CYGB: variants seen among roughly 807,000 people sequenced by gnomAD.
CYGB encodes histoglobin.
Under a neutral mutation model 20.7 loss-of-function variants are expected in CYGB, and 13 were observed. That is an observed-to-expected ratio of 0.63 (90% confidence interval 0.41 to 1.00). CYGB has a LOEUF of 1.00. Ranked by LOEUF, CYGB falls within the 50% of genes least tolerant of loss-of-function variation. CYGB has a pLI of 0.00. For missense variants in CYGB, 218 were observed against 257.2 expected (o/e 0.85, Z 1.04); for synonymous variants, 93 against 107.4 (o/e 0.87, Z 0.83).
At chr17:76,545,423 G>A (rs769949866) in intron 1 of CYGB, 2 of 455,408 alleles carry the variant, frequency 4.4e-6, no homozygotes, top group South Asian at 3.1e-5. Context: ...GCAAAGAGCC[G>A]CTGCTTGGGA....
In CYGB at chr17:76,531,317, C is replaced by A. The variant is rs1360753915; in HGVS notation, c.375+143G>T. 3 of 1,224,280 alleles carry A rather than the reference C, an allele frequency of 2.5e-6. No homozygotes were observed. The highest frequency in any genetic ancestry group is 2.4e-5 in the Admixed American group (1 of 41,798). The allele number at this position is 1,224,280 out of a possible 1,614,324, so 75.8% of individuals were successfully genotyped here. A position where few individuals can be genotyped will look rare whatever the true frequency, so the allele number is the denominator to read the frequency against. ...TTGCCCTGGACCCAGCCCCTCCATC[C>A]TGCTGCCGGGCACTGCCCCTCCCTC... On this transcript the variant is annotated intron_variant, in intron 2 of 3. Coordinates refer to ENST00000293230, the MANE Select transcript of CYGB (RefSeq NM_134268.5). This position sits in a 1 kb window ranked among gnomAD's most constrained non-coding sequence, Gnocchi z 7.4.
Position 76,531,509 on chromosome 17 carries a change from A to G in CYGB, c.326T>C (p.Val109Ala), listed in dbSNP as rs770196178. Residue 109 changes from valine (V) to alanine (A), a missense_variant, in exon 2 of 4, where the codon GTG (valine) becomes GCG (alanine). By Grantham distance (64) the Val-to-Ala change is moderately conservative. Transcript: ENST00000293230. This position sits in a 1 kb window ranked among gnomAD's most constrained non-coding sequence, Gnocchi z 7.4. ...GTGCTTGAGGGCGTGGGCTTTCCCC[A>G]CAAGGGCGAGCACAGAGGACACCTT... is the stretch of plus-strand genomic sequence containing the variant. ...PDKVSSVLAL[V>A]GKAHALKHKV... The G allele has an allele frequency of 6.2e-7, 1 of 1,613,738 alleles. No individual in the cohort carries two copies. The highest frequency in any genetic ancestry group is 8.5e-7 in the Non-Finnish European group (1 of 1,179,622).
At chr17:76,540,250 T>TGG (rs774019278), upstream of CYGB, 9,340 of 460,592 alleles carry the variant, frequency 0.02, 927 homozygotes, top group Non-Finnish European at 0.024. The surrounding 1 kb of genome is among the most constrained non-coding windows in gnomAD (Gnocchi z 5.0). Context: ...TGGCGGTTGG[T>TGG]CGGGGGGGGG....
chr17:76,547,689 TCA>T (rs755549580), intron 1 of CYGB, among the ~76,000 whole-genome samples: 4 of 129,018 alleles, frequency 3.1e-5, no homozygotes, highest in South Asian at 2.7e-4. Flanking sequence ...ACACCCACAT[TCA>T]CACACACAGA....
At chr17:76,534,138 CTT>C (rs1491300758) in intron 1 of CYGB, among the ~76,000 whole-genome samples, 42 of 124,816 alleles carry the variant, frequency 3.4e-4, no homozygotes, top group Non-Finnish European at 5.2e-4. Flanking sequence ...TTCTCTCTCT[CTT>C]TCTCTTTCTC....
Position 76,531,123 on chromosome 17 carries a change from A to T in CYGB, c.395T>A (p.Leu132Gln), listed in dbSNP as rs1416641665. 6.2e-7 allele frequency: 1 copy of T among 1,613,798 alleles called. No homozygotes were observed. Among genetic ancestry groups the T allele is most frequent in the East Asian group, 2.2e-5 (1 of 44,876 alleles). Residue 132 changes from leucine to glutamine, a missense_variant, in exon 3 of 4, where the codon CTG (leucine) becomes CAG (glutamine). By Grantham distance (113) the Leu-to-Gln change is moderately radical (BLOSUM62 -2). Around this residue, in one of 2 missense-constraint regions of CYGB, gnomAD observed 66 missense variants for 107.4 expected, o/e 0.61. Transcript: ENST00000293230. The surrounding 1 kb of genome is among the most constrained non-coding windows in gnomAD (Gnocchi z 7.4). ...VYFKILSGVI[L>Q]EVVAEEFASD... ...GGCAAATTCCTCGGCGACCACCTCC[A>T]GAATGACCCCAGAGAGGATCTGGGG... is the stretch of plus-strand genomic sequence containing the variant.
At chr17:76,540,204 C>G (rs1409634962), upstream of CYGB, 1 of 1,599,558 alleles carries the variant, frequency 6.3e-7, no homozygotes, top group African/African-American at 1.4e-5. This position sits in a 1 kb window ranked among gnomAD's most constrained non-coding sequence, Gnocchi z 5.0. Flanking sequence ...GATTTGCCAA[C>G]CGAGTCCAAC....
At chr17:76,529,465 G>A (rs370195391) in intron 3 of CYGB, 6 of 985,448 alleles carry the variant, frequency 6.1e-6, no homozygotes, top group East Asian at 2.3e-4. Flanking sequence ...AGGGCAGGAC[G>A]GGCAGCGTGC....
intron 1 of CYGB, chr17:76,543,151 GC>G (rs1567912519): frequency 2.1e-6 from 1 of 466,578 alleles, no homozygotes; most frequent in Non-Finnish European, 4.5e-6. Context: ...CCCGGGACCT[GC>G]CAGTCTCCCC....
At chr17:76,538,079 G>C (rs2074942771), upstream of CYGB, 1 of 152,774 alleles carries the variant, frequency 6.5e-6, no homozygotes, top group Admixed American at 6.6e-5. Context: ...CAGTGCTTGC[G>C]GCGTCGCGAG....
rs566357154 is a variant in CYGB, at chr17:76,528,857, G to A, written c.540-246C>T. On this transcript the variant is annotated intron_variant, in intron 3 of 3. Transcript: ENST00000293230. The surrounding 1 kb of genome is among the most constrained non-coding windows in gnomAD (Gnocchi z 5.8). ...TCTTTTTCTCTAAAATGTGAATAAT[G>A]TCTGTCTTGTGACATAAACTGGGTA... 1,861 of 1,215,086 alleles carry A rather than the reference G, an allele frequency of 1.5e-3. 3 individuals are homozygous for A. The highest frequency in any genetic ancestry group is 1.8e-3 in the Non-Finnish European group (1,718 of 974,234). 75.3% of individuals were successfully genotyped at this position (1,215,086 alleles called of 1,614,324 possible).
At chr17:76,541,446 CTCTT>C (rs1415981408), upstream of CYGB, among the ~76,000 whole-genome samples, 3 of 152,306 alleles carry the variant, frequency 2.0e-5, no homozygotes, top group Non-Finnish European at 2.9e-5. Flanking sequence ...CCATCCATGT[CTCTT>C]TCTGAGTGGG....
chr17:76,532,279 G>C (rs888978863), intron 1 of CYGB, among the ~76,000 whole-genome samples: 20 of 152,162 alleles, frequency 1.3e-4, no homozygotes, highest in Admixed American at 9.8e-4. Context: ...TGGCTCAGCG[G>C]CTTTACTTAC....
upstream of CYGB, chr17:76,538,421 C>T (rs1203205660): frequency 2.2e-6 from 1 of 446,128 alleles, no homozygotes. Context: ...GCCCCCTCTC[C>T]TTCCGCCCAG....
At chr17:76,535,680 G>A (rs527270945) in intron 1 of CYGB, among the ~76,000 whole-genome samples, 2 of 152,310 alleles carry the variant, frequency 1.3e-5, no homozygotes, top group South Asian at 4.1e-4. Flanking sequence ...ACTGGAAGAG[G>A]GGTGTAGAGA....
At chr17:76,547,599 G>A (rs2075064110) in intron 1 of CYGB, among the ~76,000 whole-genome samples, 1 of 151,918 alleles carries the variant, frequency 6.6e-6, no homozygotes, top group African/African-American at 2.4e-5. Flanking sequence ...CTGTGCACCT[G>A]GGGAGGAGAG....
chr17:76,545,800 G>A (rs1040231821), intron 1 of CYGB: 6 of 209,152 alleles, frequency 2.9e-5, no homozygotes, highest in African/African-American at 1.4e-4. Flanking sequence ...AATCCGGTTT[G>A]AACTGTAAAT....
At chr17:76,540,719 G>C (rs1020182294), upstream of CYGB, 15 of 788,982 alleles carry the variant, frequency 1.9e-5, no homozygotes, top group Non-Finnish European at 3.0e-5. The surrounding 1 kb of genome is among the most constrained non-coding windows in gnomAD (Gnocchi z 5.0). Flanking sequence ...CTCCCTGTCC[G>C]CCTGCTGGGC....
In CYGB at chr17:76,530,671, G is replaced by A. The variant is rs2074826050; in HGVS notation, c.539+308C>T. ...GACCTTACCGCCAGGAGCCTCTGGC[G>A]CCTCTCTGCCTGGGCAGCTGTGGCT... is the stretch of plus-strand genomic sequence containing the variant. On this transcript the variant is annotated intron_variant, in intron 3 of 3. Coordinates refer to ENST00000293230, the MANE Select transcript of CYGB (RefSeq NM_134268.5). The surrounding 1 kb of genome is among the most constrained non-coding windows in gnomAD (Gnocchi z 6.1). Among the ~76,000 whole-genome samples the A allele has an allele frequency of 1.3e-5, 2 of 152,172 alleles. No individual in the cohort carries two copies. The highest frequency in any genetic ancestry group is 2.1e-4 in the South Asian group (1 of 4,834).
Sources: gnomAD v4.1 joint callset for allele counts (sites outside exome capture counted in the v4.1 genomes callset) on GRCh38, gnomAD v4.1.1 for gene constraint, gnomAD v4.1.1 regional missense constraint, Gnocchi (gnomAD v3.1) non-coding constraint, MANE v1.5 for transcripts, NCBI Gene and HGNC (gene_info 2026-07-23, HGNC 2026-07-21) for gene names.